Variants in COL11A2 observed in about 807,000 individuals in gnomAD.
COL11A2 encodes the protein collagen alpha-2(XI) chain.
Under a neutral mutation model 273.4 loss-of-function variants are expected in COL11A2, and 116 were observed. The ratio of observed to expected loss-of-function variants is 0.42; its 90% CI spans 0.36 to 0.49. COL11A2 has a LOEUF of 0.49. Among genes scored for constraint, COL11A2 ranks in the 20% least tolerant of loss-of-function variants. The pLI is 0.00. For missense variants in COL11A2, 1,866 were observed against 2,309.0 expected (o/e 0.81, Z 3.93); for synonymous variants, 782 against 864.2 (o/e 0.90, Z 1.67).
rs1239665494 is a variant in COL11A2 at position 33,170,241 on chromosome 6, G to A, written c.3582+85C>T. 1.3e-6 allele frequency: 2 copies of A among 1,573,830 alleles called. No homozygotes were observed. The highest frequency in any genetic ancestry group is 1.4e-5 in the African/African-American group (1 of 73,874). ...AGTAAGGGCTTCTCTTGGCCCCTGA[G>A]ACGATACTAGAGTTTATGGTCTGGG... On this transcript the variant is annotated intron_variant, in intron 48 of 65. Coordinates refer to ENST00000341947, the MANE Select transcript of COL11A2 (RefSeq NM_080680.3). The surrounding 1 kb of genome is among the most constrained non-coding windows in gnomAD (Gnocchi z 4.3).
chr6:33,192,980 G>T (rs1583397828), upstream of COL11A2, among the ~76,000 whole-genome samples: 1 of 152,174 alleles, frequency 6.6e-6, no homozygotes, highest in Non-Finnish European at 1.5e-5. Context: ...GGGATGTGGG[G>T]GAAGGTGTTC....
chr6:33,176,271 A>T lies in COL11A2; in HGVS notation c.2202T>A (p.His734Gln). 1 of 1,608,068 alleles carries T rather than the reference A, an allele frequency of 6.2e-7. No individual in the cohort carries two copies. Among genetic ancestry groups the T allele is most frequent in the Non-Finnish European group, 8.5e-7 (1 of 1,177,570 alleles). Residue 734 changes from histidine to glutamine, a missense_variant, in exon 28 of 66, where the codon CAT (histidine) becomes CAA (glutamine). His to Gln is a conservative substitution (Grantham distance 24). Transcript: ENST00000341947. This position sits in a 1 kb window ranked among gnomAD's most constrained non-coding sequence, Gnocchi z 4.9. ...GVDGIRGLKG[H>Q]KGEKGEDGFP... ...GCATGGTGCTCACCTTCTCACCCTT[A>T]TGACCCTTCAGACCCCGAATTCCGT...
rs1768911513 is a variant in COL11A2, at chr6:33,165,016, G to C, written c.4751-52C>G. 1 of 1,393,540 alleles carries C rather than the reference G, an allele frequency of 7.2e-7. No individual in the cohort carries two copies. The highest frequency in any genetic ancestry group is 1.4e-5 in the African/African-American group (1 of 69,892). The allele number at this position is 1,393,540 out of a possible 1,614,324, so 86.3% of individuals were successfully genotyped here. ...AGGGCCACCTAGGTCCAGGCTCCAA[G>C]ATGCTCTTTGCCCCCACATTCCCTC... On this transcript the variant is annotated intron_variant, in intron 63 of 65. Transcript: ENST00000341947. This position sits in a 1 kb window ranked among gnomAD's most constrained non-coding sequence, Gnocchi z 7.7.
At position 33,170,932 on chromosome 6, in the gene COL11A2, G is replaced by C. The variant is rs1234399617; in HGVS notation, c.3367-15C>G. ...CCATCTGCTCCCTGCAGGGTTGAGG[G>C]AAAGCAGAGACAAGGACACAGGGAT... On this transcript the variant is annotated splice_polypyrimidine_tract_variant and intron_variant, in intron 45 of 65. Coordinates refer to ENST00000341947, the MANE Select transcript of COL11A2 (RefSeq NM_080680.3). This position sits in a 1 kb window ranked among gnomAD's most constrained non-coding sequence, Gnocchi z 4.3. 1 of 1,609,396 alleles carries C rather than the reference G, an allele frequency of 6.2e-7. No homozygotes were observed. Among genetic ancestry groups the C allele is most frequent in the African/African-American group, 1.4e-5 (1 of 73,862 alleles).
chr6:33,167,197 C>T lies in COL11A2; in HGVS notation c.4176+67G>A. The T allele has an allele frequency of 1.2e-6, 2 of 1,613,758 alleles. No homozygotes were observed. The highest frequency in any genetic ancestry group is 1.7e-6 in the Non-Finnish European group (2 of 1,179,656). ...TTCTCCCCAACAGCCTCCACTTCCT[C>T]CAGGGCTTCAGCTCTGTCCCAGGGC... On this transcript the variant is annotated intron_variant, in intron 57 of 65. Transcript: ENST00000341947. This position sits in a 1 kb window ranked among gnomAD's most constrained non-coding sequence, Gnocchi z 6.1.
intron 8 of COL11A2, 136 bp from the exon 9 acceptor site, chr6:33,181,306 C>A (rs1317156750): frequency 4.5e-6 from 4 of 893,396 alleles, no homozygotes; most frequent in Non-Finnish European, 5.4e-6. Context: ...GCCCCACAGC[C>A]CTCCCCTAAA....
Position 33,180,707 on chromosome 6 carries a change from G to A in COL11A2, c.1245C>T (p.Ile415=). 1 of 1,611,200 alleles carries A rather than the reference G, an allele frequency of 6.2e-7. No individual in the cohort carries two copies. The highest frequency in any genetic ancestry group is 1.3e-5 in the African/African-American group (1 of 74,960). ...GPAGLIGPPG[I]QGNPGPVGDP... The stretch of plus-strand genomic sequence containing the variant: ...CTCCAACTGGGCCTGGGTTCCCCTG[G>A]ATGCCAGGGGGACCAATCAATCCCT... Residue 415 remains isoleucine, a synonymous_variant, in exon 11 of 66, where the codon ATC becomes ATT. Coordinates refer to ENST00000341947, the MANE Select transcript of COL11A2 (RefSeq NM_080680.3).
Position 33,186,719 on chromosome 6 carries a change from G to A in COL11A2, c.706C>T (p.Pro236Ser), listed in dbSNP as rs35116188. 8.4e-4 allele frequency: 1,357 copies of A among 1,613,940 alleles called. 2 individuals are homozygous for A. Among genetic ancestry groups the A allele is most frequent in the Non-Finnish European group, 1.1e-3 (1,312 of 1,180,016 alleles). The change falls in exon 5 of 66, where the codon CCC (proline) becomes TCC (serine). Residue 236 changes from proline to serine, a missense_variant. Pro to Ser is a moderately conservative substitution (Grantham distance 74, BLOSUM62 -1). Transcript: ENST00000341947. ...GCTCTGTGAGGCTGTTGGTTTTGGG[G>A]TCTTTCCCTCTGGCCCCCCTCGCAT... ...LECEGGQRER[P>S]QNQQPHRAQR...
Position 33,172,397 on chromosome 6 carries a change from T to G in COL11A2, c.2899-19A>C. 6.4e-7 allele frequency: 1 copy of G among 1,573,988 alleles called. No individual in the cohort carries two copies. The highest frequency in any genetic ancestry group is 8.6e-7 in the Non-Finnish European group (1 of 1,157,940). ...GGTCACCCTAAAAGGAAAGGAGAGG[T>G]GATGAGCCACAGCCATGCTCCCAAA... On this transcript the variant is annotated intron_variant, in intron 39 of 65. Transcript: ENST00000341947.
chr6:33,163,501 G>T lies in COL11A2; in HGVS notation c.*177C>A, dbSNP rs2150507056. 1.2e-6 allele frequency: 1 copy of T among 853,288 alleles called. No individual in the cohort carries two copies. The highest frequency in any genetic ancestry group is 2.6e-5 in the East Asian group (1 of 38,154). The allele number at this position is 853,288 out of a possible 1,614,324, so 52.9% of individuals were successfully genotyped here. ...AGCCCCAGATGCCACTCCTCCCGTG[G>T]GGTGTCCAGGCAACCACTTCACCCC... On this transcript the variant is annotated 3_prime_UTR_variant, in exon 66 of 66. Transcript: ENST00000341947. The surrounding 1 kb of genome is among the most constrained non-coding windows in gnomAD (Gnocchi z 4.1).
At chr6:33,192,132 G>C (rs746649755) in intron 1 of COL11A2, 27 bp downstream of exon 1, 11 of 1,548,540 alleles carry the variant, frequency 7.1e-6, no homozygotes, top group Non-Finnish European at 9.6e-6. Flanking sequence ...CTGACTCCGA[G>C]GACCCAGGCA....
chr6:33,175,849 T>A (rs1443845991), intron 29 of COL11A2, among the ~76,000 whole-genome samples, 167 bp downstream of exon 29: 1 of 151,998 alleles, frequency 6.6e-6, no homozygotes, highest in East Asian at 1.9e-4. Context: ...AGGGCAGGCA[T>A]GACACAGACC....
rs1225496713 is a variant in COL11A2, at chr6:33,163,455, G to A, written c.*223C>T. On this transcript the variant is annotated 3_prime_UTR_variant, in exon 66 of 66. Transcript: ENST00000341947. The surrounding 1 kb of genome is among the most constrained non-coding windows in gnomAD (Gnocchi z 4.1). ...GTCTCAGCTCTCTAACGGGTAACAG[G>A]CTCCAGGTGGGAGGGCCAAGAGCCC... 3.2e-6 allele frequency: 2 copies of A among 621,284 alleles called. No individual in the cohort carries two copies. Among genetic ancestry groups the A allele is most frequent in the East Asian group, 5.5e-5 (2 of 36,242 alleles). The allele number at this position is 621,284 out of a possible 1,614,324, so 38.5% of individuals were successfully genotyped here. A position where few individuals can be genotyped will look rare whatever the true frequency, so the allele number is the denominator to read the frequency against.
At chr6:33,181,274 A>G (rs1771701346) in intron 8 of COL11A2, 104 bp from the exon 9 acceptor site, 4 of 1,203,812 alleles carry the variant, frequency 3.3e-6, no homozygotes, top group Non-Finnish European at 4.9e-6. Flanking sequence ...TCCTCTCGAG[A>G]CCACTTCAGC....
Position 33,178,055 on chromosome 6 carries a change from A to G in COL11A2, c.1872+77T>C. The G allele has an allele frequency of 1.4e-6, 2 of 1,418,990 alleles. No individual in the cohort carries two copies. Among genetic ancestry groups the G allele is most frequent in the Non-Finnish European group, 2.0e-6 (2 of 1,021,614 alleles). The allele number at this position is 1,418,990 out of a possible 1,614,324, so 87.9% of individuals were successfully genotyped here. A position where few individuals can be genotyped will look rare whatever the true frequency, so the allele number is the denominator to read the frequency against. ...AGCATGCCGAGAGAGGAGAGGGAGCAGGAAGGCAGCTAGAAAGGTGGAGAG... is the reference window on the plus strand; with the variant it reads ...AGCATGCCGAGAGAGGAGAGGGAGCGGGAAGGCAGCTAGAAAGGTGGAGAG... On this transcript the variant is annotated intron_variant, in intron 21 of 65. Transcript: ENST00000341947. This position sits in a 1 kb window ranked among gnomAD's most constrained non-coding sequence, Gnocchi z 4.6.
At chr6:33,180,929 G>T (rs775248786) in intron 10 of COL11A2, 35 bp downstream of exon 10, 16 of 1,613,610 alleles carry the variant, frequency 9.9e-6, no homozygotes, top group Non-Finnish European at 1.3e-5. Context: ...GGGTTTCTAA[G>T]AAAAGAATGG....
In COL11A2 at chr6:33,173,352, T is replaced by C; in HGVS notation, c.2732A>G (p.Glu911Gly). The change falls in exon 37 of 66, where the codon GAA (glutamate) becomes GGA (glycine). Residue 911 changes from glutamate to glycine, a missense_variant. Physicochemically the swap from Glu to Gly is moderately conservative, Grantham distance 98. Coordinates refer to ENST00000341947, the MANE Select transcript of COL11A2 (RefSeq NM_080680.3). This position sits in a 1 kb window ranked among gnomAD's most constrained non-coding sequence, Gnocchi z 6.3. ...GLPGHPGQRG[E>G]VGFQGKTGPP... is the part of the protein sequence containing the mutation. ...GTAGCCAGGAGCATCACTCACCACT[T>C]CTCCTCTTTGGCCTGGGTGTCCCGG... is the stretch of plus-strand genomic sequence containing the variant. 1 of 1,611,542 alleles carries C rather than the reference T, an allele frequency of 6.2e-7. No homozygotes were observed. The highest frequency in any genetic ancestry group is 8.5e-7 in the Non-Finnish European group (1 of 1,179,728).
intron 8 of COL11A2, among the ~76,000 whole-genome samples, chr6:33,182,926 C>G (rs1771910936): frequency 6.6e-6 from 1 of 152,168 alleles, no homozygotes. Flanking sequence ...GAATGCCCCT[C>G]TCCACCTTCA....
rs762351406 is a variant in COL11A2, at chr6:33,163,719, G to A, written c.5170C>T (p.Arg1724Trp). The A allele has an allele frequency of 1.4e-5, 23 of 1,613,042 alleles. No individual in the cohort carries two copies. The highest frequency in any genetic ancestry group is 8.3e-5 in the Admixed American group (5 of 60,032). ...ACAGGCCCCAGCAGCACCCCTCCCCGCCTCGGTGGGGCTCCCAGGTCTGAG... is the reference window on the plus strand; with the variant it reads ...ACAGGCCCCAGCAGCACCCCTCCCCACCTCGGTGGGGCTCCCAGGTCTGAG... ...SFSDLGAPPR[R>W]GGVLLGPVCF... The change falls in exon 66 of 66, where the codon CGG becomes TGG. Residue 1724 changes from arginine to tryptophan, a missense_variant. By Grantham distance (101) the Arg-to-Trp change is moderately radical. Transcript: ENST00000341947. This position sits in a 1 kb window ranked among gnomAD's most constrained non-coding sequence, Gnocchi z 4.1.
Sources: allele counts gnomAD v4.1 joint callset (sites outside exome capture counted in the v4.1 genomes callset), GRCh38; gene constraint gnomAD v4.1.1; non-coding constraint Gnocchi (gnomAD v3.1); transcripts MANE v1.5; gene names NCBI Gene and HGNC (gene_info 2026-07-23, HGNC 2026-07-21).